The following SYT7 variants were observed in gnomAD, a reference collection of about 807,000 sequenced individuals.
SYT7 encodes the protein synaptotagmin 7, also known as synaptotagmin-7.
SYT7 carries 29 observed loss-of-function variants against 75.1 expected under a neutral mutation model. The observed-to-expected ratio is 0.39, with a 90% CI of 0.29 to 0.53. The LOEUF is 0.53. SYT7 is among the 20% of genes least tolerant of loss of function. The pLI, the probability that SYT7 is intolerant of heterozygous loss-of-function variation, is 0.77. For missense variants in SYT7, 693 were observed against 953.2 expected, an observed-to-expected ratio of 0.73 and a Z score of 3.59; for synonymous variants, 376 against 401.7, an observed-to-expected ratio of 0.94 and a Z score of 0.76.
intron 7 of SYT7, among the ~76,000 whole-genome samples, chr11:61,537,044 A>G (rs1450303561): frequency 6.6e-6 from 1 of 152,246 alleles, no homozygotes; most frequent in East Asian, 1.9e-4. Context: ...GAGAACCCAG[A>G]GAGGGGCTGT....
intron 8 of SYT7, among the ~76,000 whole-genome samples, chr11:61,529,384 G>A (rs1676372501): frequency 6.6e-6 from 1 of 152,118 alleles, no homozygotes; most frequent in South Asian, 2.1e-4. Context: ...CTCTCGCATC[G>A]CCGTCTCCTT....
intron 1 of SYT7, among the ~76,000 whole-genome samples, chr11:61,579,851 T>G (rs1052028145): frequency 2.0e-5 from 3 of 152,176 alleles, no homozygotes; most frequent in African/African-American, 7.2e-5. Context: ...ACTGGCAGAC[T>G]GGGGGTGCTG....
At chr11:61,549,536 C>A (rs1214259683) in intron 3 of SYT7, among the ~76,000 whole-genome samples, 3 of 152,244 alleles carry the variant, frequency 2.0e-5, no homozygotes, top group Non-Finnish European at 4.4e-5. Flanking sequence ...ATAAGACGAT[C>A]CTCTGTTGGG....
intron 2 of SYT7, among the ~76,000 whole-genome samples, chr11:61,554,159 C>T (rs1039805162): frequency 1.1e-4 from 16 of 152,206 alleles, no homozygotes; most frequent in Admixed American, 4.6e-4. Context: ...TGCTGACAGC[C>T]CCCCATCTGC....
chr11:61,521,811 A>C (rs1469758926), intron 12 of SYT7, among the ~76,000 whole-genome samples: 1 of 152,196 alleles, frequency 6.6e-6, no homozygotes, highest in Non-Finnish European at 1.5e-5. Flanking sequence ...CTCCTGGTCA[A>C]ACTGTCCTGC....
chr11:61,563,761 C>T (rs2063699876), intron 1 of SYT7, among the ~76,000 whole-genome samples: 1 of 152,206 alleles, frequency 6.6e-6, no homozygotes, highest in African/African-American at 2.4e-5. Context: ...ATGGTCTCCC[C>T]TCCTACAATC....
rs1590903773 is a variant in SYT7, at chr11:61,551,158, A to G, written c.215+226T>C. 2.0e-5 allele frequency among the ~76,000 whole-genome samples: 3 copies of G among 152,194 alleles called. No individual in the cohort carries two copies. In the East Asian group the frequency reaches 5.8e-4, roughly 29 times the overall value. On this transcript the variant is annotated intron_variant, in intron 3 of 12. Transcript: ENST00000539008. This position sits in a 1 kb window ranked among gnomAD's most constrained non-coding sequence, Gnocchi z 5.3. ...AAGGTGCTGGCGGTGAGGGCAGCGGAAACGGAGGCCAGGGACTCCGGAGCA... is the reference window on the plus strand; with the variant it reads ...AAGGTGCTGGCGGTGAGGGCAGCGGGAACGGAGGCCAGGGACTCCGGAGCA...
At chr11:61,528,592 C>T (rs1488589756) in intron 8 of SYT7, among the ~76,000 whole-genome samples, 1 of 152,122 alleles carries the variant, frequency 6.6e-6, no homozygotes, top group Non-Finnish European at 1.5e-5. Flanking sequence ...CTGTGGGAGG[C>T]ACCGACACAA....
In SYT7 at chr11:61,523,800, C is replaced by T; in HGVS notation, c.1756+27G>A. The T allele has an allele frequency of 6.2e-7, 1 of 1,607,926 alleles. No homozygotes were observed. The highest frequency in any genetic ancestry group is 8.5e-7 in the Non-Finnish European group (1 of 1,174,600). Reference sequence around the variant, plus strand: ...TGTCACCAGCACCTCCCCGGCCCGCCCATCCTCTGCTGGAGAAGCCCCGTA... The same window carrying T: ...TGTCACCAGCACCTCCCCGGCCCGCTCATCCTCTGCTGGAGAAGCCCCGTA... On this transcript the variant is annotated intron_variant, in intron 11 of 12. Coordinates refer to ENST00000539008, the MANE Select transcript of SYT7 (RefSeq NM_001365809.2). This position sits in a 1 kb window ranked among gnomAD's most constrained non-coding sequence, Gnocchi z 5.0.
Position 61,517,509 on chromosome 11 carries a change from A to C in SYT7, c.*1118T>G, listed in dbSNP as rs187149170. 2.5e-6 allele frequency: 1 copy of C among 399,038 alleles called. No individual in the cohort carries two copies. Among genetic ancestry groups the C allele is most frequent in the Non-Finnish European group, 4.4e-6 (1 of 226,422 alleles). 24.7% of individuals were successfully genotyped at this position (399,038 alleles called of 1,614,324 possible). A position where few individuals can be genotyped will look rare whatever the true frequency, so the allele number is the denominator to read the frequency against. ...GAGACGGAATGAATGGAAGGTCTAC[A>C]AGCATTGGGGGATGGAGGGGTGGAG... On this transcript the variant is annotated 3_prime_UTR_variant, in exon 13 of 13. Transcript: ENST00000539008.
chr11:61,532,975 T>C lies in SYT7; in HGVS notation c.1200+14A>G. ...CCCAGTTCCTTGGAGCAGCGCAGGC[T>C]CCCTCATTCTCACCATGAGCATCTC... On this transcript the variant is annotated intron_variant, in intron 8 of 12. Transcript: ENST00000539008. 6.2e-7 allele frequency: 1 copy of C among 1,612,468 alleles called. No individual in the cohort carries two copies. The highest frequency in any genetic ancestry group is 8.5e-7 in the Non-Finnish European group (1 of 1,179,916).
intron 1 of SYT7, among the ~76,000 whole-genome samples, chr11:61,567,055 A>G (rs1461366883): frequency 6.6e-6 from 1 of 152,206 alleles, no homozygotes; most frequent in Admixed American, 6.5e-5. Flanking sequence ...TTGCAAGCTC[A>G]AAGGCTCCTG....
intron 1 of SYT7, among the ~76,000 whole-genome samples, chr11:61,571,643 C>T: frequency 6.6e-6 from 1 of 152,244 alleles, no homozygotes; most frequent in Non-Finnish European, 1.5e-5. Flanking sequence ...CGGGCACCTT[C>T]TCCAGGAAGG....
At chr11:61,578,576 G>C (rs1368525680) in intron 1 of SYT7, among the ~76,000 whole-genome samples, 2 of 152,116 alleles carry the variant, frequency 1.3e-5, no homozygotes, top group Non-Finnish European at 2.9e-5. Context: ...CCCTGGCTTG[G>C]GGAGCTGAGT....
upstream of SYT7, among the ~76,000 whole-genome samples, chr11:61,584,226 A>T (rs1465277608): frequency 7.0e-6 from 1 of 142,402 alleles, no homozygotes; most frequent in Admixed American, 6.9e-5. Context: ...CATCTCTACT[A>T]AAAAAAAAAA....
Position 61,542,356 on chromosome 11 carries a change from C to T in SYT7, c.796G>A (p.Ala266Thr), listed in dbSNP as rs2063068204. 1 of 1,530,478 alleles carries T rather than the reference C, an allele frequency of 6.5e-7. No homozygotes were observed. The highest frequency in any genetic ancestry group is 1.4e-5 in the African/African-American group (1 of 72,646). 94.8% of individuals were successfully genotyped at this position (1,530,478 alleles called of 1,614,324 possible). The change falls in exon 6 of 13, where the codon GCC (alanine) becomes ACC (threonine). Residue 266 changes from alanine (A) to threonine (T), a missense_variant. This residue lies in a region of SYT7 where 487 missense variants were observed against 593.2 expected (regional missense o/e 0.82). Coordinates refer to ENST00000539008, the MANE Select transcript of SYT7 (RefSeq NM_001365809.2). This position sits in a 1 kb window ranked among gnomAD's most constrained non-coding sequence, Gnocchi z 7.8. ...MASAPGPNPR[A>T]YGRGQARQGT... is the part of the protein sequence containing the mutation. The stretch of plus-strand genomic sequence containing the variant: ...TGCCGAGCCTGGCCCCGGCCATAGG[C>T]CCGGGGGTTGGGGCCTGGTGCCGAG...
intron 12 of SYT7, 136 bp downstream of exon 12, chr11:61,522,939 C>T: frequency 1.2e-6 from 1 of 848,650 alleles, no homozygotes; most frequent in South Asian, 1.6e-5. Context: ...GAAACAGAGG[C>T]CTGAGAGGAG....
At chr11:61,534,843 T>TACACAC (rs10552302) in intron 7 of SYT7, among the ~76,000 whole-genome samples, 1 of 147,778 alleles carries the variant, frequency 6.8e-6, no homozygotes, top group East Asian at 2.1e-4. Context: ...ACGCACCACA[T>TACACAC]ACACACACAC....
Position 61,538,119 on chromosome 11 carries a change from C to T in SYT7, c.1064+25G>A, listed in dbSNP as rs1459570985. ...GCGCCTCCTTCTCTGCCGCCGCCGC[C>T]GCAGGCCCTCGCCTGTGCTCGTACC... On this transcript the variant is annotated intron_variant, in intron 7 of 12. Transcript: ENST00000539008. 4.9e-5 allele frequency: 75 copies of T among 1,534,758 alleles called. No homozygotes were observed. In the Middle Eastern group the frequency reaches 8.3e-4, roughly 17 times the overall value.
Sources: allele counts gnomAD v4.1 joint callset (sites outside exome capture counted in the v4.1 genomes callset), GRCh38; gene constraint gnomAD v4.1.1; regional missense constraint gnomAD v4.1.1; non-coding constraint Gnocchi (gnomAD v3.1); transcripts MANE v1.5; gene names NCBI Gene and HGNC (gene_info 2026-07-23, HGNC 2026-07-21).